The following PLD1 variants were observed in gnomAD, a reference collection of about 807,000 sequenced individuals.
PLD1 encodes choline phosphatase 1.
Under a neutral mutation model 137.1 loss-of-function variants are expected in PLD1, and 112 were observed. The observed-to-expected ratio is 0.82, with a 90% CI of 0.70 to 0.96. The LOEUF (loss-of-function observed/expected upper bound fraction) is 0.96. PLD1 is among the 40% of genes least tolerant of loss of function. PLD1 has a pLI of 0.00. For missense variants in PLD1, 1,321 were observed against 1,342.0 expected (o/e 0.98, Z 0.24); for synonymous variants, 431 against 454.7 (o/e 0.95, Z 0.66).
intron 11 of PLD1, among the ~76,000 whole-genome samples, chr3:171,707,062 AG>A (rs1156339953): frequency 2.0e-5 from 3 of 152,216 alleles, no homozygotes; most frequent in East Asian, 3.8e-4. Context: ...AAACTAACAC[AG>A]GAACAAAAAA....
rs1428694836 is a variant in PLD1 at position 171,794,269 on chromosome 3, T to C, written c.-32+16130A>G. Among the ~76,000 whole-genome samples the C allele has an allele frequency of 2.0e-5, 3 of 152,352 alleles. No homozygotes were observed. The South Asian group carries it at 6.2e-4, about 32-fold the overall frequency. On this transcript the variant is annotated intron_variant, in intron 1 of 26. Transcript: ENST00000351298. ...AACTCTTCTATTTTGTTATTAGTTA[T>C]TGTTAATCTCTTACTGTACCTAATT...
At chr3:171,683,571 G>T (rs1032886578) in intron 16 of PLD1, among the ~76,000 whole-genome samples, 1 of 151,860 alleles carries the variant, frequency 6.6e-6, no homozygotes, top group Non-Finnish European at 1.5e-5. Flanking sequence ...TCTTTCTTTC[G>T]ATGTCAGCTG....
chr3:171,772,667 A>G (rs892073787), intron 1 of PLD1, among the ~76,000 whole-genome samples: 1 of 152,218 alleles, frequency 6.6e-6, no homozygotes, highest in Non-Finnish European at 1.5e-5. Flanking sequence ...ACCAAGCGAA[A>G]GCTGGATGAG....
intron 1 of PLD1, among the ~76,000 whole-genome samples, chr3:171,757,475 C>G (rs1369498230): frequency 6.6e-6 from 1 of 152,202 alleles, no homozygotes; most frequent in Non-Finnish European, 1.5e-5. Flanking sequence ...CACACACACA[C>G]TCATGCTGGG....
At chr3:171,644,484 T>G (rs1381235541) in intron 22 of PLD1, among the ~76,000 whole-genome samples, 1 of 152,256 alleles carries the variant, frequency 6.6e-6, no homozygotes, top group Non-Finnish European at 1.5e-5. Context: ...GCTATCATTA[T>G]CAACCTTGTT....
At chr3:171,671,689 G>A (rs374422075) in intron 19 of PLD1, among the ~76,000 whole-genome samples, 13 of 151,734 alleles carry the variant, frequency 8.6e-5, no homozygotes, top group African/African-American at 1.7e-4. Flanking sequence ...TGGGAAATGC[G>A]CACATCATAT....
intron 6 of PLD1, among the ~76,000 whole-genome samples, chr3:171,729,728 A>G (rs1005550542): frequency 6.6e-6 from 1 of 152,252 alleles, no homozygotes; most frequent in Non-Finnish European, 1.5e-5. Flanking sequence ...ATCATAAGAA[A>G]GAAAATATTT....
chr3:171,670,896 T>C (rs1164952853), intron 19 of PLD1, among the ~76,000 whole-genome samples: 1 of 152,212 alleles, frequency 6.6e-6, no homozygotes, highest in Non-Finnish European at 1.5e-5. Flanking sequence ...GAGTTTTATT[T>C]TGTGAGGGAT....
chr3:171,619,225 C>A (rs1257247295), intron 24 of PLD1, among the ~76,000 whole-genome samples: 1 of 152,130 alleles, frequency 6.6e-6, no homozygotes, highest in Non-Finnish European at 1.5e-5. Flanking sequence ...ACTCTATCAT[C>A]CTGGACTTCC....
chr3:171,767,618 T>TA (rs1722068065), intron 1 of PLD1, among the ~76,000 whole-genome samples: 1 of 152,240 alleles, frequency 6.6e-6, no homozygotes, highest in Non-Finnish European at 1.5e-5. Context: ...TGCACAACAC[T>TA]GTCATAGCTG....
At position 171,688,720 on chromosome 3, in the gene PLD1, TGCCCAC is replaced by T; in HGVS notation, c.1489_1494del (p.Val497_Gly498del). On this transcript the variant is annotated inframe_deletion, in exon 14 of 27. Coordinates refer to ENST00000351298, the MANE Select transcript of PLD1 (RefSeq NM_002662.5). ...GGTCCTGAAGTGACCCGCTTCACACTGCCCACGTCTGTGAGTCTGTGCTCATTGTCG... is the reference window on the plus strand; with the variant it reads ...GGTCCTGAAGTGACCCGCTTCACACTGTCTGTGAGTCTGTGCTCATTGTCG... 6.2e-7 allele frequency: 1 copy of T among 1,614,196 alleles called. No homozygotes were observed. Among genetic ancestry groups the T allele is most frequent in the Non-Finnish European group, 8.5e-7 (1 of 1,180,022 alleles).
At chr3:171,656,015 T>C (rs942332640) in intron 21 of PLD1, among the ~76,000 whole-genome samples, 1 of 152,164 alleles carries the variant, frequency 6.6e-6, no homozygotes, top group Non-Finnish European at 1.5e-5. Context: ...AAGTGTAAGA[T>C]ACAATCTGCA....
intron 3 of PLD1, 109 bp downstream of exon 3, chr3:171,737,423 C>CA: frequency 9.9e-7 from 1 of 1,012,512 alleles, no homozygotes; most frequent in East Asian, 2.6e-5. Flanking sequence ...AACAAACAAA[C>CA]AAAAACCTAC....
At chr3:171,806,894 A>G (rs1432821783) in intron 1 of PLD1, among the ~76,000 whole-genome samples, 1 of 152,222 alleles carries the variant, frequency 6.6e-6, no homozygotes, top group Non-Finnish European at 1.5e-5. Context: ...CAATACCCTT[A>G]GACACAAGTT....
At chr3:171,670,312 G>A (rs922150788) in intron 19 of PLD1, among the ~76,000 whole-genome samples, 1 of 152,170 alleles carries the variant, frequency 6.6e-6, no homozygotes, top group Non-Finnish European at 1.5e-5. Context: ...AATAACAGAA[G>A]ACTTGAGATC....
intron 1 of PLD1, chr3:171,791,763 T>G (rs959344337): frequency 7.0e-6 from 1 of 142,246 alleles, no homozygotes; most frequent in Non-Finnish European, 1.6e-5. Flanking sequence ...TGAAGAGTCT[T>G]TCACTCCTTT....
intron 6 of PLD1, among the ~76,000 whole-genome samples, chr3:171,727,052 A>T (rs1718572702): frequency 6.6e-6 from 1 of 152,246 alleles, no homozygotes; most frequent in Non-Finnish European, 1.5e-5. Context: ...TTATTTATGG[A>T]TATAAAATAT....
intron 13 of PLD1, among the ~76,000 whole-genome samples, chr3:171,690,840 C>A (rs1050927332): frequency 2.6e-5 from 4 of 152,116 alleles, no homozygotes; most frequent in African/African-American, 9.7e-5. Flanking sequence ...CCCATTGGAT[C>A]CAGTTGGTTT....
chr3:171,769,627 G>A lies in PLD1; in HGVS notation c.-31-31545C>T, dbSNP rs117205711. Reference sequence around the variant, plus strand: ...ACAGCTGTACAATTGTGCCTTAGGGGGTATAAAATACAGTCCACTTTGTAA... The same window carrying A: ...ACAGCTGTACAATTGTGCCTTAGGGAGTATAAAATACAGTCCACTTTGTAA... On this transcript the variant is annotated intron_variant, in intron 1 of 26. Transcript: ENST00000351298. Among the ~76,000 whole-genome samples the A allele has an allele frequency of 2.5e-3, 373 of 152,168 alleles. 11 individuals are homozygous for A. In the East Asian group the frequency reaches 0.057, roughly 23 times the overall value.
Sources: allele counts gnomAD v4.1 joint callset (sites outside exome capture counted in the v4.1 genomes callset), GRCh38; gene constraint gnomAD v4.1.1; transcripts MANE v1.5; gene names NCBI Gene and HGNC (gene_info 2026-07-23, HGNC 2026-07-21).